Variants in IL7 observed in about 807,000 individuals in gnomAD.
IL7 encodes the protein interleukin-7.
In IL7, 3 loss-of-function variants were observed where a neutral mutation model predicts 21.6. The observed-to-expected ratio is 0.14, with a 90% CI of 0.06 to 0.36. The LOEUF (loss-of-function observed/expected upper bound fraction) is 0.36. Among genes scored for constraint, IL7 ranks in the 10% least tolerant of loss-of-function variants. The probability of loss-of-function intolerance (pLI) is 1.00; values close to 1 mark genes in which losing one functional copy is unlikely to be tolerated. For missense variants in IL7, 175 were observed against 200.2 expected, an observed-to-expected ratio of 0.87 and a Z score of 0.76; for synonymous variants, 62 against 68.1, an observed-to-expected ratio of 0.91 and a Z score of 0.44.
rs1348541093 is a variant in IL7 at position 78,772,622 on chromosome 8, A to G, written c.147+25450T>C. ...AGTAAACTGTTGTACAAAGAAACCA[A>G]TTTTACCGTAGGTTAATTGATATAA... is the stretch of plus-strand genomic sequence containing the variant. On this transcript the variant is annotated intron_variant, in intron 2 of 5. Coordinates refer to ENST00000263851, the MANE Select transcript of IL7 (RefSeq NM_000880.4). 2.6e-5 allele frequency among the ~76,000 whole-genome samples: 4 copies of G among 152,102 alleles called. No individual in the cohort carries two copies. The East Asian group carries it at 7.7e-4, about 29-fold the overall frequency.
intron 3 of IL7, among the ~76,000 whole-genome samples, chr8:78,696,376 G>A (rs911832406): frequency 1.3e-5 from 2 of 152,090 alleles, no homozygotes; most frequent in African/African-American, 4.8e-5. Flanking sequence ...TACCGTATTG[G>A]GCTACATTCC....
intron 1 of IL7, among the ~76,000 whole-genome samples, chr8:78,800,835 T>C (rs1252043511): frequency 6.6e-6 from 1 of 152,190 alleles, no homozygotes; most frequent in Non-Finnish European, 1.5e-5. Context: ...TATAATAAAA[T>C]AATTAAATGC....
rs368746397 is a variant in IL7, at chr8:78,698,409, A to G, written n.215-12462T>C. The G allele has an allele frequency of 7.2e-5, 115 of 1,605,322 alleles. No individual in the cohort carries two copies. The highest frequency in any genetic ancestry group is 5.0e-4 in the Middle Eastern group (3 of 6,036). ...TTGTTAAAAATAATGCTTTTTTATT[A>G]TAAGGTGTTCCTTCAGGTAAAGTGT... is the stretch of plus-strand genomic sequence containing the variant. On this transcript the variant is annotated intron_variant and non_coding_transcript_variant, in intron 3 of 4. Transcript: ENST00000523959.
At chr8:78,678,451 A>T in intron 4 of IL7, 2 of 732,768 alleles carry the variant, frequency 2.7e-6, no homozygotes, top group Non-Finnish European at 2.3e-6. Flanking sequence ...TTTTGTATTC[A>T]GGTTTTTCAT....
chr8:78,762,093 T>A, intron 2 of IL7: 2 of 1,599,470 alleles, frequency 1.3e-6, no homozygotes, highest in Admixed American at 3.3e-5. Flanking sequence ...TTCAGTGTCC[T>A]GATTTCATCT....
At chr8:78,742,156 A>G (rs1811806618) in intron 2 of IL7, among the ~76,000 whole-genome samples, 1 of 123,438 alleles carries the variant, frequency 8.1e-6, no homozygotes, top group Admixed American at 8.0e-5. Flanking sequence ...TACTAAAAAT[A>G]CAAAAAAAAA....
At chr8:78,803,183 G>A (rs1325849024) in intron 1 of IL7, among the ~76,000 whole-genome samples, 1 of 151,944 alleles carries the variant, frequency 6.6e-6, no homozygotes, top group Non-Finnish European at 1.5e-5. Flanking sequence ...ATTATTTTTT[G>A]AGACAGGGCA....
At chr8:78,692,950 C>A (rs1285848356) in intron 3 of IL7, among the ~76,000 whole-genome samples, 1 of 152,052 alleles carries the variant, frequency 6.6e-6, no homozygotes, top group Admixed American at 6.6e-5. Context: ...TCTCATTGTT[C>A]AATTCCCACC....
At chr8:78,760,927 G>A in intron 2 of IL7, 1 of 1,557,830 alleles carries the variant, frequency 6.4e-7, no homozygotes, top group Non-Finnish European at 8.7e-7. Flanking sequence ...TTTGCCCCTG[G>A]AGGTTTTTCC....
chr8:78,740,028 TA>T lies in IL7; in HGVS notation c.201del (p.Phe67LeufsTer22). The T allele has an allele frequency of 6.5e-7, 1 of 1,541,604 alleles. No individual in the cohort carries two copies. Among genetic ancestry groups the T allele is most frequent in the Non-Finnish European group, 8.7e-7 (1 of 1,149,416 alleles). ...TTATTAGCATCACAGATATGTCTTT[TA>T]AAAAAGTTAAATTCATTATTCAGGC... ...SNCLNNEFNFFKRHICDANKE... is the reference protein window; with the variant it reads ...SNCLNNEFNFXKRHICDANKE... On this transcript the variant is annotated frameshift_variant, in exon 3 of 6. Transcript: ENST00000263851. LOFTEE classifies it high-confidence loss of function.
chr8:78,703,749 G>A (rs1196684220), intron 3 of IL7, among the ~76,000 whole-genome samples: 1 of 152,052 alleles, frequency 6.6e-6, no homozygotes, highest in African/African-American at 2.4e-5. Context: ...GCCACTCTGT[G>A]TCTTTTAATT....
intron 3 of IL7, among the ~76,000 whole-genome samples, chr8:78,710,900 A>C (rs1309432172): frequency 6.6e-6 from 1 of 152,132 alleles, no homozygotes; most frequent in African/African-American, 2.4e-5. Flanking sequence ...AGCTACTGAA[A>C]GAAGACAAAA....
chr8:78,723,204 G>A (rs182910178), intron 3 of IL7, among the ~76,000 whole-genome samples: 279 of 151,204 alleles, frequency 1.8e-3, no homozygotes, highest in Admixed American at 3.5e-3. Flanking sequence ...TTCTAGAGAA[G>A]CAATTACAAT....
chr8:78,691,507 C>CT (rs1341622767), intron 3 of IL7, among the ~76,000 whole-genome samples: 2 of 151,780 alleles, frequency 1.3e-5, no homozygotes, highest in Non-Finnish European at 2.9e-5. Flanking sequence ...TTTTGTATTT[C>CT]TTTTTTTAAA....
intron 2 of IL7, among the ~76,000 whole-genome samples, chr8:78,796,958 T>C (rs566761481): frequency 4.6e-5 from 7 of 152,178 alleles, no homozygotes; most frequent in African/African-American, 1.7e-4. Flanking sequence ...TATATGTTTA[T>C]AGAAGTTTTA....
chr8:78,685,917 A>C (rs1349259221), exon 4 of IL7: 1 of 152,416 alleles, frequency 6.6e-6, no homozygotes, highest in African/African-American at 2.4e-5. Flanking sequence ...GTCCAGGAGC[A>C]TAGTGCTAGC....
intron 3 of IL7, among the ~76,000 whole-genome samples, chr8:78,686,962 G>T (rs1810000349): frequency 6.6e-6 from 1 of 151,980 alleles, no homozygotes; most frequent in African/African-American, 2.4e-5. Context: ...ATATAATTAT[G>T]TTGCCTGGTT....
intron 2 of IL7, among the ~76,000 whole-genome samples, chr8:78,747,500 A>G (rs928325303): frequency 6.6e-6 from 1 of 152,154 alleles, no homozygotes; most frequent in African/African-American, 2.4e-5. Context: ...AGCCTTATTT[A>G]GGGGGCCTTT....
intron 2 of IL7, among the ~76,000 whole-genome samples, chr8:78,767,276 AGT>A (rs145809544): frequency 8.6e-5 from 13 of 151,212 alleles, no homozygotes; most frequent in African/African-American, 1.9e-4. Flanking sequence ...TGAACAAGTG[AGT>A]GTGTGTGTGT....
Sources: gnomAD v4.1 joint callset for allele counts (sites outside exome capture counted in the v4.1 genomes callset) on GRCh38, gnomAD v4.1.1 for gene constraint, MANE v1.5 for transcripts, NCBI Gene and HGNC (gene_info 2026-07-23, HGNC 2026-07-21) for gene names.